Variants in RUNX1 observed in about 807,000 individuals in gnomAD.
RUNX1 encodes runt-related transcription factor 1.
RUNX1 carries 19 observed loss-of-function variants against 42.8 expected under a neutral mutation model. That is an observed-to-expected ratio of 0.44 (90% confidence interval 0.31 to 0.65). The LOEUF is 0.65. Ranked by LOEUF, RUNX1 falls within the 30% of genes least tolerant of loss-of-function variation. The pLI, the probability that RUNX1 is intolerant of heterozygous loss-of-function variation, is 0.07. For missense variants in RUNX1, 528 were observed against 672.0 expected (o/e 0.79, Z 2.37); for synonymous variants, 271 against 289.4 (o/e 0.94, Z 0.64).
intron 2 of RUNX1, among the ~76,000 whole-genome samples, chr21:34,923,687 G>GAACACATTTCCCTGCTTGAAAGCC (rs1555905178): frequency 1.4e-5 from 2 of 147,444 alleles, no homozygotes; most frequent in African/African-American, 5.2e-5. Flanking sequence ...CAGCAATTCT[G>GAACACATTTCCCTGCTTGAAAGCC]TCAACCATCA....
chr21:34,833,095 TTTTGTTTG>T (rs538430031), intron 7 of RUNX1: 1 of 152,308 alleles, frequency 6.6e-6, no homozygotes, highest in Non-Finnish European at 1.5e-5. Context: ...GAACCCATGT[TTTTGTTTG>T]TTTGTTTGTT....
intron 6 of RUNX1, among the ~76,000 whole-genome samples, chr21:34,855,932 T>G (rs2057489840): frequency 6.6e-6 from 1 of 152,200 alleles, no homozygotes; most frequent in African/African-American, 2.4e-5. Context: ...ATAAAGTTAA[T>G]TTTTCAACAA....
At chr21:34,954,042 T>G (rs750191847) in intron 2 of RUNX1, among the ~76,000 whole-genome samples, 5 of 152,360 alleles carry the variant, frequency 3.3e-5, no homozygotes, top group Middle Eastern at 3.4e-3. Context: ...CATTGACTAG[T>G]CATAGACTTT....
chr21:35,049,017 C>T (rs2059420497), intron 1 of RUNX1, 59 bp from the exon 2 acceptor site: 3 of 847,486 alleles, frequency 3.5e-6, no homozygotes, highest in Admixed American at 3.4e-5. Flanking sequence ...AGCCCTACAT[C>T]TCTCTTTCTT....
At chr21:34,822,514 C>T (rs1239485806) in intron 7 of RUNX1, among the ~76,000 whole-genome samples, 5 of 152,220 alleles carry the variant, frequency 3.3e-5, no homozygotes, top group African/African-American at 1.2e-4. Flanking sequence ...GGGTGAGTCT[C>T]ATGCTTCAAA....
chr21:34,930,973 A>G (rs2058439901), intron 2 of RUNX1, among the ~76,000 whole-genome samples: 1 of 152,110 alleles, frequency 6.6e-6, no homozygotes, highest in South Asian at 2.1e-4. Flanking sequence ...AAGCAGTCAC[A>G]ATGGTAGCAG....
intron 6 of RUNX1, among the ~76,000 whole-genome samples, chr21:34,850,300 C>T (rs1023989417): frequency 1.3e-5 from 2 of 152,212 alleles, no homozygotes; most frequent in African/African-American, 2.4e-5. Flanking sequence ...CCAAAGGACA[C>T]AGGCAGCAGG....
At chr21:35,008,270 A>AT (rs1275258817) in intron 2 of RUNX1, among the ~76,000 whole-genome samples, 1 of 152,182 alleles carries the variant, frequency 6.6e-6, no homozygotes, top group Non-Finnish European at 1.5e-5. Context: ...TTGGCCTCAT[A>AT]TTAGGGGAAT....
intron 2 of RUNX1, among the ~76,000 whole-genome samples, chr21:34,947,124 G>A (rs1164295255): frequency 6.6e-6 from 1 of 152,158 alleles, no homozygotes; most frequent in East Asian, 1.9e-4. Context: ...CCCTGGCTTT[G>A]CATGTGTCAT....
intron 2 of RUNX1, among the ~76,000 whole-genome samples, chr21:34,978,613 C>T (rs953463733): frequency 3.3e-5 from 5 of 152,148 alleles, no homozygotes; most frequent in African/African-American, 9.7e-5. Context: ...TGCAGCTTCA[C>T]ATATTTCATA....
chr21:34,827,163 T>A (rs1601402889), intron 7 of RUNX1, among the ~76,000 whole-genome samples: 1 of 152,184 alleles, frequency 6.6e-6, no homozygotes, highest in Admixed American at 6.5e-5. Flanking sequence ...TTATAAAATA[T>A]AAGGTTGCAA....
intron 7 of RUNX1, among the ~76,000 whole-genome samples, chr21:34,803,061 C>G (rs553988114): frequency 3.0e-4 from 46 of 152,264 alleles, no homozygotes; most frequent in African/African-American, 1.1e-3. Context: ...CACATTTGCT[C>G]CAGGATAAGG....
chr21:34,859,552 C>G lies in RUNX1; in HGVS notation c.535G>C (p.Val179Leu), dbSNP rs1302205736. The G allele has an allele frequency of 6.2e-7, 1 of 1,614,098 alleles. No homozygotes were observed. Among genetic ancestry groups the G allele is most frequent in the Non-Finnish European group, 8.5e-7 (1 of 1,179,988 alleles). ...GCGACTTGCGGTGGGTTTGTGAAGA[C>G]AGTGATGGTCAGAGTGAAGCTTTTC... ...RGKSFTLTIT[V>L]FTNPPQVATY... Residue 179 changes from valine to leucine, a missense_variant, in exon 6 of 9, where the codon GTC becomes CTC. Val to Leu is a conservative substitution (Grantham distance 32, BLOSUM62 1). Transcript: ENST00000675419.
At chr21:34,946,863 G>A (rs568403693) in intron 2 of RUNX1, among the ~76,000 whole-genome samples, 1 of 152,232 alleles carries the variant, frequency 6.6e-6, no homozygotes, top group African/African-American at 2.4e-5. Context: ...GGCATCACAT[G>A]TCGCTGAGCT....
At chr21:34,864,522 G>A (rs2268291) in intron 5 of RUNX1, among the ~76,000 whole-genome samples, 3,218 of 152,296 alleles carry the variant, frequency 0.021, 94 homozygotes, top group East Asian at 0.12. Flanking sequence ...GCCTTGGTCT[G>A]GTGAGGCCAG....
chr21:34,993,416 C>T (rs565068806), intron 2 of RUNX1, among the ~76,000 whole-genome samples: 1 of 152,170 alleles, frequency 6.6e-6, no homozygotes, highest in South Asian at 2.1e-4. Context: ...CAGGGACTTT[C>T]CATTTGATTT....
chr21:34,799,516 A>T (rs188096485), intron 7 of RUNX1, 54 bp from the exon 8 acceptor site: 1 of 1,517,644 alleles, frequency 6.6e-7, no homozygotes, highest in Non-Finnish European at 9.1e-7. Flanking sequence ...GATTTAAAAA[A>T]TGTCTTTTAA....
At chr21:35,028,323 A>C (rs1283836523) in intron 2 of RUNX1, among the ~76,000 whole-genome samples, 1 of 152,214 alleles carries the variant, frequency 6.6e-6, no homozygotes, top group African/African-American at 2.4e-5. Flanking sequence ...TGCCAAGTTT[A>C]GGAGTCCCTG....
chr21:34,859,378 T>C (rs148662084), intron 6 of RUNX1, 96 bp downstream of exon 6: 25 of 1,033,642 alleles, frequency 2.4e-5, no homozygotes, highest in African/African-American at 4.7e-5. Context: ...GGGGGAAAGG[T>C]TGAACCCAAG....
Sources: gnomAD v4.1 joint callset for allele counts (sites outside exome capture counted in the v4.1 genomes callset) on GRCh38, gnomAD v4.1.1 for gene constraint, MANE v1.5 for transcripts, NCBI Gene and HGNC (gene_info 2026-07-23, HGNC 2026-07-21) for gene names.